ABCC9: variants seen among roughly 807,000 people sequenced by gnomAD.
The protein encoded by ABCC9 is ATP-binding cassette sub-family C member 9.
In ABCC9, 95 loss-of-function variants were observed where a neutral mutation model predicts 188.3. The observed-to-expected ratio is 0.50, with a 90% CI of 0.43 to 0.60. ABCC9 has a LOEUF of 0.60. ABCC9 is among the 20% of genes least tolerant of loss of function. ABCC9 has a pLI of 0.00. For synonymous variants in ABCC9, 659 were observed against 652.7 expected (o/e 1.01, Z -0.15); for missense variants, 1,102 against 1,876.3 (o/e 0.59, Z 7.62).
chr12:21,803,397 C>T (rs920257143), intron 39 of ABCC9, among the ~76,000 whole-genome samples: 28 of 152,112 alleles, frequency 1.8e-4, no homozygotes, highest in African/African-American at 6.0e-4. Flanking sequence ...GTGGCTCACA[C>T]CTGTAATCCC....
intron 12 of ABCC9, among the ~76,000 whole-genome samples, chr12:21,901,687 A>G (rs1947758937): frequency 6.6e-6 from 1 of 152,144 alleles, no homozygotes; most frequent in Admixed American, 6.6e-5. Context: ...TTAAACCAAC[A>G]AGATCAAAAG....
intron 2 of ABCC9, among the ~76,000 whole-genome samples, chr12:21,937,435 CA>C (rs1406327375): frequency 6.6e-6 from 1 of 152,032 alleles, no homozygotes; most frequent in Non-Finnish European, 1.5e-5. Flanking sequence ...AAACAGAGGA[CA>C]AGGTCACACT....
At chr12:21,838,970 G>A (rs2137345319) in intron 29 of ABCC9, among the ~76,000 whole-genome samples, 1 of 152,276 alleles carries the variant, frequency 6.6e-6, no homozygotes, top group Non-Finnish European at 1.5e-5. Flanking sequence ...AGGTTGAAGT[G>A]AGCTAAGATC....
At chr12:21,854,219 A>G (rs541399989) in intron 22 of ABCC9, among the ~76,000 whole-genome samples, 13 of 152,350 alleles carry the variant, frequency 8.5e-5, no homozygotes, top group Non-Finnish European at 1.9e-4. Flanking sequence ...TGGAAGTTAG[A>G]ATAAATTTAT....
chr12:21,912,784 C>A, intron 8 of ABCC9, 88 bp downstream of exon 8: 3 of 1,337,338 alleles, frequency 2.2e-6, no homozygotes, highest in South Asian at 1.3e-5. Flanking sequence ...CCTATTTGAA[C>A]AACTCATAAA....
chr12:21,862,329 G>A (rs1484113948), intron 20 of ABCC9, among the ~76,000 whole-genome samples: 2 of 152,110 alleles, frequency 1.3e-5, no homozygotes, highest in Admixed American at 1.3e-4. Context: ...CTTTCTGTCT[G>A]GTTTGCTCCA....
intron 30 of ABCC9, among the ~76,000 whole-genome samples, chr12:21,837,414 C>T (rs1015739722): frequency 2.0e-5 from 3 of 151,956 alleles, no homozygotes; most frequent in African/African-American, 4.8e-5. Flanking sequence ...TATATACTTG[C>T]GATTAGGATT....
At chr12:21,875,416 C>A (rs1946291184) in intron 17 of ABCC9, among the ~76,000 whole-genome samples, 1 of 152,108 alleles carries the variant, frequency 6.6e-6, no homozygotes, top group Non-Finnish European at 1.5e-5. Flanking sequence ...TTGCCCAAAT[C>A]AGCAAATGAA....
At chr12:21,852,244 A>G (rs1178722390) in intron 23 of ABCC9, 22 bp from the exon 24 acceptor site, 2 of 1,613,682 alleles carry the variant, frequency 1.2e-6, no homozygotes, top group East Asian at 2.2e-5. Context: ...GGATATTCCC[A>G]GAAATGTGAC....
At chr12:21,926,233 G>A (rs1178354802) in intron 4 of ABCC9, among the ~76,000 whole-genome samples, 170 bp from the exon 5 acceptor site, 19 of 152,222 alleles carry the variant, frequency 1.2e-4, no homozygotes, top group Admixed American at 6.5e-4. Flanking sequence ...GAAAGACATC[G>A]TTCTGCGGAA....
At chr12:21,915,494 G>GTATATATATATA (rs1242200528) in intron 7 of ABCC9, among the ~76,000 whole-genome samples, 174 bp downstream of exon 7, 1 of 9,698 alleles carries the variant, frequency 1.0e-4, no homozygotes, top group African/African-American at 2.9e-4. Context: ...GTGTGTGTGT[G>GTATATATATATA]TGTGTGTATA....
At chr12:21,915,194 C>T (rs1370408231) in intron 7 of ABCC9, among the ~76,000 whole-genome samples, 1 of 146,780 alleles carries the variant, frequency 6.8e-6, no homozygotes, top group African/African-American at 2.5e-5. Flanking sequence ...AGCCATCGTG[C>T]CTGGCCTAAG....
chr12:21,807,096 A>C (rs1247801202), intron 38 of ABCC9, among the ~76,000 whole-genome samples: 1 of 152,178 alleles, frequency 6.6e-6, no homozygotes, highest in Non-Finnish European at 1.5e-5. Context: ...TACTGTTCTG[A>C]AAATTTTTCA....
Position 21,894,066 on chromosome 12 carries a change from T to C in ABCC9, c.1768A>G (p.Thr590Ala). The C allele has an allele frequency of 1.9e-6, 3 of 1,614,014 alleles. No individual in the cohort carries two copies. The highest frequency in any genetic ancestry group is 2.5e-6 in the Non-Finnish European group (3 of 1,180,000). Reference protein sequence around the residue: ...ILVTPLFLLSTVVRFAVKAII... With the variant: ...ILVTPLFLLSAVVRFAVKAII... ...GCTTTGACTGCAAATCTGACCACCG[T>C]GGAGAGCAGGAACAGTGGTGTGACC... The change falls in exon 14 of 40, where the codon ACG (threonine) becomes GCG (alanine). Residue 590 changes from threonine (T) to alanine (A), a missense_variant. Thr to Ala is a moderately conservative substitution (Grantham distance 58). Coordinates refer to ENST00000261200, the MANE Select transcript of ABCC9 (RefSeq NM_020297.4).
chr12:21,926,305 A>G (rs1949043495), intron 4 of ABCC9, among the ~76,000 whole-genome samples: 1 of 152,222 alleles, frequency 6.6e-6, no homozygotes. Flanking sequence ...AATGCTTACA[A>G]AGAAACAAAT....
intron 31 of ABCC9, among the ~76,000 whole-genome samples, chr12:21,826,360 C>G (rs924812796): frequency 1.9e-4 from 29 of 152,078 alleles, no homozygotes; most frequent in Admixed American, 1.6e-3. Flanking sequence ...TACTATATCT[C>G]AACTTCATTT....
In ABCC9 at chr12:21,848,249, G is replaced by A. The variant is rs1260462177; in HGVS notation, c.2770-3C>T. The A allele has an allele frequency of 6.2e-7, 1 of 1,611,824 alleles. No homozygotes were observed. Among genetic ancestry groups the A allele is most frequent in the Non-Finnish European group, 8.5e-7 (1 of 1,178,290 alleles). ...GTAGTTTGGTCAGCTTCCATATCCT[G>A]CAGTAAACATTGTACTATCATGCAA... On this transcript the variant is annotated splice_region_variant and splice_polypyrimidine_tract_variant and intron_variant, in intron 24 of 39. Transcript: ENST00000261200.
chr12:21,846,532 C>T (rs562229108), intron 25 of ABCC9, among the ~76,000 whole-genome samples: 1 of 152,166 alleles, frequency 6.6e-6, no homozygotes, highest in Non-Finnish European at 1.5e-5. Context: ...TCATACTATA[C>T]TATATACATA....
In ABCC9 at chr12:21,799,293, A is replaced by G. The variant is rs1488888070; in HGVS notation, c.*1751T>C. Reference sequence around the variant, plus strand: ...AAAAGAAAAAAAAAAGATTACTTCCATGGGTAAAAACCCATTTCTCTATGA... The same window carrying G: ...AAAAGAAAAAAAAAAGATTACTTCCGTGGGTAAAAACCCATTTCTCTATGA... On this transcript the variant is annotated 3_prime_UTR_variant, in exon 40 of 40. Coordinates refer to ENST00000261200, the MANE Select transcript of ABCC9 (RefSeq NM_020297.4). The G allele has an allele frequency of 2.0e-5, 3 of 152,090 alleles. No individual in the cohort carries two copies. In the South Asian group the frequency reaches 6.2e-4, roughly 32 times the overall value. The allele number at this position is 152,090 out of a possible 1,614,324, so 9.4% of individuals were successfully genotyped here. A position where few individuals can be genotyped will look rare whatever the true frequency, so the allele number is the denominator to read the frequency against.
Sources: gnomAD v4.1 joint callset for allele counts (sites outside exome capture counted in the v4.1 genomes callset) on GRCh38, gnomAD v4.1.1 for gene constraint, MANE v1.5 for transcripts, NCBI Gene and HGNC (gene_info 2026-07-23, HGNC 2026-07-21) for gene names.